ABCC4: variants seen among roughly 807,000 people sequenced by gnomAD.
ABCC4 encodes ATP-binding cassette sub-family C member 4.
A neutral mutation model predicts 168.5 loss-of-function variants in ABCC4; 102 were observed. The ratio of observed to expected loss-of-function variants is 0.61; its 90% CI spans 0.52 to 0.71. ABCC4 has a LOEUF of 0.71. Among genes scored for constraint, ABCC4 ranks in the 30% least tolerant of loss-of-function variants. The pLI, the probability that ABCC4 is intolerant of heterozygous loss-of-function variation, is 0.00. For synonymous variants in ABCC4, 617 were observed against 590.7 expected, an observed-to-expected ratio of 1.04 and a Z score of -0.65; for missense variants, 1,402 against 1,605.8, an observed-to-expected ratio of 0.87 and a Z score of 2.17.
At chr13:95,233,474 A>C (rs1193968902) in intron 4 of ABCC4, among the ~76,000 whole-genome samples, 1 of 152,106 alleles carries the variant, frequency 6.6e-6, no homozygotes, top group Non-Finnish European at 1.5e-5. Flanking sequence ...TAAAGATGAG[A>C]ACAAAGACAC....
chr13:95,270,158 A>C (rs757860165), intron 1 of ABCC4, among the ~76,000 whole-genome samples: 5 of 152,220 alleles, frequency 3.3e-5, no homozygotes, highest in Non-Finnish European at 7.3e-5. Context: ...CTCCATGAAA[A>C]GAGGGACAGT....
intron 29 of ABCC4, among the ~76,000 whole-genome samples, chr13:95,041,812 C>T (rs2032374067): frequency 6.6e-6 from 1 of 152,188 alleles, no homozygotes; most frequent in Non-Finnish European, 1.5e-5. Context: ...ATGCTTTCAG[C>T]TAGGGGTTGA....
chr13:95,049,604 G>A (rs1017736693), intron 27 of ABCC4, among the ~76,000 whole-genome samples: 2 of 151,844 alleles, frequency 1.3e-5, no homozygotes, highest in Non-Finnish European at 2.9e-5. Flanking sequence ...CTGTGCCACC[G>A]CATTCCAACC....
chr13:95,132,327 T>C (rs2035995333), intron 19 of ABCC4, among the ~76,000 whole-genome samples: 4 of 152,160 alleles, frequency 2.6e-5, no homozygotes, highest in African/African-American at 7.2e-5. Flanking sequence ...GTGATTCTCC[T>C]GCCTCAGCCT....
chr13:95,142,268 T>C (rs927942054), intron 19 of ABCC4, among the ~76,000 whole-genome samples: 1 of 152,216 alleles, frequency 6.6e-6, no homozygotes, highest in Admixed American at 6.5e-5. Context: ...AATGAATTAA[T>C]GGCATTTGCA....
chr13:95,189,551 C>T (rs554539620), intron 9 of ABCC4, among the ~76,000 whole-genome samples: 4 of 152,236 alleles, frequency 2.6e-5, no homozygotes, highest in South Asian at 2.1e-4. Flanking sequence ...CATGCCCAGT[C>T]CTTGGCTAAT....
intron 20 of ABCC4, among the ~76,000 whole-genome samples, chr13:95,115,671 T>TA (rs2035350977): frequency 1.3e-5 from 2 of 152,182 alleles, no homozygotes; most frequent in Admixed American, 6.5e-5. Context: ...GAGAGCCACT[T>TA]ACCAAGCACG....
At chr13:95,133,108 C>CTT (rs761691210) in intron 19 of ABCC4, among the ~76,000 whole-genome samples, 1,858 of 110,634 alleles carry the variant, frequency 0.017, 39 homozygotes, top group African/African-American at 0.043. Flanking sequence ...GATTTTAAAA[C>CTT]TTTTTTTTTT....
At chr13:95,288,018 G>C (rs2041304196) in intron 1 of ABCC4, among the ~76,000 whole-genome samples, 1 of 151,986 alleles carries the variant, frequency 6.6e-6, no homozygotes, top group Non-Finnish European at 1.5e-5. Flanking sequence ...CTCCAGCCTG[G>C]GCAACGGAGT....
intron 26 of ABCC4, among the ~76,000 whole-genome samples, chr13:95,061,256 A>G (rs1630901): frequency 0.79 from 120,571 of 152,090 alleles, 47,912 homozygotes; most frequent in South Asian, 0.9. Flanking sequence ...GCTGGATCAC[A>G]TTAGCTCTCA....
intron 24 of ABCC4, among the ~76,000 whole-genome samples, chr13:95,072,393 G>T (rs1482061459): frequency 6.6e-6 from 1 of 152,108 alleles, no homozygotes; most frequent in Non-Finnish European, 1.5e-5. Context: ...CCCGGGAGGC[G>T]GAGGTTGCAG....
At chr13:95,224,730 C>T (rs1281230698) in intron 4 of ABCC4, among the ~76,000 whole-genome samples, 1 of 144,674 alleles carries the variant, frequency 6.9e-6, no homozygotes, top group Non-Finnish European at 1.5e-5. Context: ...GAGTGAGACT[C>T]TGTCTCAAAA....
chr13:95,282,304 T>C (rs537673059), intron 1 of ABCC4, among the ~76,000 whole-genome samples: 125 of 152,262 alleles, frequency 8.2e-4, no homozygotes, highest in African/African-American at 2.9e-3. Flanking sequence ...GGTCAAGCTC[T>C]GGAAGTGAAA....
At chr13:95,284,197 G>GT (rs969440307) in intron 1 of ABCC4, among the ~76,000 whole-genome samples, 1 of 151,868 alleles carries the variant, frequency 6.6e-6, no homozygotes, top group Non-Finnish European at 1.5e-5. Context: ...GTTTTTTGGG[G>GT]TTTTTTTGAG....
intron 4 of ABCC4, among the ~76,000 whole-genome samples, chr13:95,221,413 G>C (rs1230649562): frequency 6.6e-6 from 1 of 152,042 alleles, no homozygotes; most frequent in East Asian, 1.9e-4. Flanking sequence ...ATTTTTTGTA[G>C]AAACAGGGTT....
At chr13:95,061,839 T>A (rs899869004) in intron 26 of ABCC4, among the ~76,000 whole-genome samples, 3 of 152,148 alleles carry the variant, frequency 2.0e-5, no homozygotes, top group African/African-American at 7.2e-5. Flanking sequence ...AAGGTCTATG[T>A]TGCTCATGAC....
chr13:95,211,328 G>A (rs1196882640), intron 4 of ABCC4, among the ~76,000 whole-genome samples: 1 of 152,188 alleles, frequency 6.6e-6, no homozygotes, highest in African/African-American at 2.4e-5. Flanking sequence ...ATGTTTTCCT[G>A]CCTTGGGAGA....
Position 95,209,484 on chromosome 13 carries a change from G to A in ABCC4, c.735C>T (p.Ile245=). Residue 245 remains isoleucine (I), a synonymous_variant, in exon 6 of 31, where the codon ATC becomes ATT. Coordinates refer to ENST00000645237, the MANE Select transcript of ABCC4 (RefSeq NM_005845.5). The part of the protein sequence containing the change: ...ISCLAGMAVL[I]ILLPLQSCFG... ...AACAGCTTTGCAAGGGCAGGAGAAT[G>A]ATTAGAACTGCCATCCCAGCAAGGC... 3 of 1,614,232 alleles carry A rather than the reference G, an allele frequency of 1.9e-6. No homozygotes were observed. Among genetic ancestry groups the A allele is most frequent in the Non-Finnish European group, 2.5e-6 (3 of 1,180,022 alleles).
chr13:95,025,198 A>C (rs1593956106), intron 30 of ABCC4, among the ~76,000 whole-genome samples: 8 of 78,676 alleles, frequency 1.0e-4, no homozygotes, highest in African/African-American at 3.2e-4. Flanking sequence ...CCCACACCAC[A>C]CACCCCCACA....
Sources: allele counts gnomAD v4.1 joint callset (sites outside exome capture counted in the v4.1 genomes callset), GRCh38; gene constraint gnomAD v4.1.1; transcripts MANE v1.5; gene names NCBI Gene and HGNC (gene_info 2026-07-23, HGNC 2026-07-21).